MIOS: variants seen among roughly 807,000 people sequenced by gnomAD.
MIOS encodes GATOR2 complex protein MIOS.
MIOS carries 52 observed loss-of-function variants against 96.9 expected under a neutral mutation model. The observed-to-expected ratio is 0.54, with a 90% CI of 0.43 to 0.68. The LOEUF (loss-of-function observed/expected upper bound fraction) is 0.68, where lower values mean the gene tolerates loss of function less well. Ranked by LOEUF, MIOS falls within the 30% of genes least tolerant of loss-of-function variation. MIOS has a pLI of 0.00. For missense variants in MIOS, 1,005 were observed against 1,052.8 expected (o/e 0.95, Z 0.63); for synonymous variants, 397 against 359.5 (o/e 1.10, Z -1.18).
rs760549071 is a variant in MIOS at position 7,589,541 on chromosome 7, C to G, written c.2021C>G (p.Thr674Arg). 9 of 1,612,086 alleles carry G rather than the reference C, an allele frequency of 5.6e-6. No homozygotes were observed. The highest frequency in any genetic ancestry group is 7.6e-6 in the Non-Finnish European group (9 of 1,178,864). The stretch of plus-strand genomic sequence containing the variant: ...GTTGATAGAACTGGAGATGTTCAAA[C>G]AGCAAGTTACTGTATGTTACAGGTC... ...SYVDRTGDVQ[T>R]ASYCMLQGSP... Residue 674 changes from threonine (T) to arginine (R), a missense_variant, in exon 9 of 13, where the codon ACA (threonine) becomes AGA (arginine). By Grantham distance (71) the Thr-to-Arg change is moderately conservative. Around this residue, in one of 3 missense-constraint regions of MIOS, gnomAD observed 865 missense variants for 887.9 expected, o/e 0.97. Coordinates refer to ENST00000340080, the MANE Select transcript of MIOS (RefSeq NM_019005.4).
intron 7 of MIOS, among the ~76,000 whole-genome samples, chr7:7,586,307 G>A (rs1438785809): frequency 6.6e-6 from 1 of 151,992 alleles, no homozygotes; most frequent in Non-Finnish European, 1.5e-5. Context: ...TACTTACAGT[G>A]GACTATTTCA....
At chr7:7,578,962 C>G (rs547418661) in intron 5 of MIOS, among the ~76,000 whole-genome samples, 3 of 152,134 alleles carry the variant, frequency 2.0e-5, no homozygotes, top group African/African-American at 7.2e-5. Context: ...CTGCCTGCCT[C>G]GGGCTCCCAA....
intron 7 of MIOS, among the ~76,000 whole-genome samples, chr7:7,588,197 G>A (rs1213985154): frequency 6.6e-6 from 1 of 152,104 alleles, no homozygotes; most frequent in Non-Finnish European, 1.5e-5. Flanking sequence ...TTGATATACT[G>A]TGCATCATTG....
At chr7:7,595,668 T>G (rs1025016618) in intron 10 of MIOS, among the ~76,000 whole-genome samples, 2 of 152,182 alleles carry the variant, frequency 1.3e-5, no homozygotes, top group Non-Finnish European at 2.9e-5. Flanking sequence ...TTTTCTTATT[T>G]TAGGAACTTG....
intron 11 of MIOS, among the ~76,000 whole-genome samples, 154 bp downstream of exon 11, chr7:7,596,615 G>A (rs897634145): frequency 5.9e-5 from 9 of 152,116 alleles, no homozygotes; most frequent in African/African-American, 1.9e-4. Flanking sequence ...TATAATTTAT[G>A]AACTATGAAA....
intron 6 of MIOS, among the ~76,000 whole-genome samples, chr7:7,584,160 T>A (rs1292129126): frequency 6.6e-6 from 1 of 152,172 alleles, no homozygotes; most frequent in African/African-American, 2.4e-5. Context: ...GAGAAAAACA[T>A]GAAATTCACT....
At chr7:7,586,045 G>A (rs896529358) in intron 7 of MIOS, among the ~76,000 whole-genome samples, 2 of 151,880 alleles carry the variant, frequency 1.3e-5, no homozygotes, top group Admixed American at 6.6e-5. Flanking sequence ...ATAATTTACA[G>A]ATATAGAAGG....
chr7:7,595,023 G>A lies in MIOS; in HGVS notation c.2087G>A (p.Trp696Ter). 5 of 1,613,612 alleles carry A rather than the reference G, an allele frequency of 3.1e-6. No individual in the cohort carries two copies. The highest frequency in any genetic ancestry group is 4.2e-6 in the Non-Finnish European group (5 of 1,179,646). The change falls in exon 10 of 13, where the codon TGG becomes TAG. Residue 696 changes from tryptophan to a stop codon, truncating the protein, a stop_gained. Coordinates refer to ENST00000340080, the MANE Select transcript of MIOS (RefSeq NM_019005.4). LOFTEE classifies it high-confidence loss of function. The stretch of plus-strand genomic sequence containing the variant: ...CTTAAAGATGAAAGGGTTCAGTACT[G>A]GATTGAGAATTATAGAAATTTATTA... Reference protein sequence around the residue: ...DVLKDERVQYWIENYRNLLDA... With the variant: ...DVLKDERVQY
In MIOS at chr7:7,573,133, A is replaced by T. The variant is rs1256761589; in HGVS notation, c.658A>T (p.Met220Leu). Residue 220 changes from methionine to leucine, a missense_variant, in exon 4 of 13, where the codon ATG becomes TTG. Met to Leu is a conservative substitution (Grantham distance 15, BLOSUM62 2). Coordinates refer to ENST00000340080, the MANE Select transcript of MIOS (RefSeq NM_019005.4). The surrounding 1 kb of genome is among the most constrained non-coding windows in gnomAD (Gnocchi z 5.0). ...IFDLRNTSQK[M>L]FVNTKAVQGV... ...TGATCTTCGGAATACAAGCCAAAAGATGTTCGTAAATACAAAAGCTGTTCA... is the reference window on the plus strand; with the variant it reads ...TGATCTTCGGAATACAAGCCAAAAGTTGTTCGTAAATACAAAAGCTGTTCA... 6.2e-7 allele frequency: 1 copy of T among 1,614,098 alleles called. No homozygotes were observed. Among genetic ancestry groups the T allele is most frequent in the Admixed American group, 1.7e-5 (1 of 60,016 alleles).
chr7:7,591,048 G>A (rs771617533), intron 9 of MIOS, among the ~76,000 whole-genome samples: 1 of 151,966 alleles, frequency 6.6e-6, no homozygotes, highest in African/African-American at 2.4e-5. Flanking sequence ...GAAAACATGG[G>A]CTTTTATATT....
chr7:7,595,425 T>A (rs1052061223), intron 10 of MIOS, among the ~76,000 whole-genome samples: 1 of 152,206 alleles, frequency 6.6e-6, no homozygotes, highest in African/African-American at 2.4e-5. Flanking sequence ...TAAATTCCAC[T>A]TGTGTATTAA....
Position 7,572,434 on chromosome 7 carries a change from A to G in MIOS, c.-40-2A>G. The G allele has an allele frequency of 4.2e-6, 6 of 1,423,116 alleles. No individual in the cohort carries two copies. Among genetic ancestry groups the G allele is most frequent in the Non-Finnish European group, 5.7e-6 (6 of 1,047,848 alleles). 88.2% of individuals were successfully genotyped at this position (1,423,116 alleles called of 1,614,324 possible). On this transcript the variant is annotated splice_acceptor_variant, in intron 3 of 12. Coordinates refer to ENST00000340080, the MANE Select transcript of MIOS (RefSeq NM_019005.4). LOFTEE classifies it low-confidence loss of function (5UTR_SPLICE). The surrounding 1 kb of genome is among the most constrained non-coding windows in gnomAD (Gnocchi z 4.8). ...AAACTTTTTATTTTTAAACATTTTC[A>G]GTGAATGGACCTGAGTGGACCCTTT...
chr7:7,574,324 AT>A, intron 5 of MIOS, 128 bp downstream of exon 5: 1 of 627,598 alleles, frequency 1.6e-6, no homozygotes, highest in South Asian at 2.2e-5. Context: ...TTGTTTTCTG[AT>A]TGGATATTTC....
intron 5 of MIOS, among the ~76,000 whole-genome samples, chr7:7,579,666 A>T (rs553811558): frequency 6.6e-6 from 1 of 152,326 alleles, no homozygotes; most frequent in East Asian, 1.9e-4. Context: ...AAAAGTTCTT[A>T]AAAAATCCCC....
chr7:7,593,770 C>G (rs1355800506), intron 9 of MIOS, among the ~76,000 whole-genome samples: 1 of 150,904 alleles, frequency 6.6e-6, no homozygotes, highest in Non-Finnish European at 1.5e-5. Flanking sequence ...CCCCTGTAAT[C>G]CCAGCTACTC....
In MIOS at chr7:7,595,188, T is replaced by C; in HGVS notation, c.2196+56T>C. ...TGTAACATGTTGATGTTCAATTTAA[T>C]AAGTTACTATTAGCTCATTATTTTG... On this transcript the variant is annotated intron_variant, in intron 10 of 12. Transcript: ENST00000340080. 1.9e-6 allele frequency: 3 copies of C among 1,550,662 alleles called. 1 individual carries two copies. Among genetic ancestry groups the C allele is most frequent in the South Asian group, 2.4e-5 (2 of 82,878 alleles).
intron 11 of MIOS, among the ~76,000 whole-genome samples, chr7:7,602,038 ACT>A (rs1436304937): frequency 6.6e-6 from 1 of 152,048 alleles, no homozygotes; most frequent in African/African-American, 2.4e-5. Flanking sequence ...CATGCTAAAA[ACT>A]CTCAATAAAT....
In MIOS at chr7:7,607,154, C is replaced by A; in HGVS notation, c.*62C>A. 7.9e-7 allele frequency: 1 copy of A among 1,269,432 alleles called. No homozygotes were observed. The highest frequency in any genetic ancestry group is 1.1e-6 in the Non-Finnish European group (1 of 893,040). The allele number at this position is 1,269,432 out of a possible 1,614,324, so 78.6% of individuals were successfully genotyped here. ...GCTTTCTAGTAGGTGTCCTTCATAG[C>A]TCAGAAACATACCTCAGAACAAGCC... On this transcript the variant is annotated 3_prime_UTR_variant, in exon 13 of 13. Transcript: ENST00000340080.
In MIOS at chr7:7,572,974, G is replaced by A. The variant is rs1404820299; in HGVS notation, c.499G>A (p.Glu167Lys). The A allele has an allele frequency of 1.2e-6, 2 of 1,614,104 alleles. No homozygotes were observed. Among genetic ancestry groups the A allele is most frequent in the Non-Finnish European group, 1.7e-6 (2 of 1,179,990 alleles). Reference sequence around the variant, plus strand: ...GGAAAAAGTGAAACTTTCAGCAGGTGAAACTGAAACAACATTATTAGTAAC... The same window carrying A: ...GGAAAAAGTGAAACTTTCAGCAGGTAAAACTGAAACAACATTATTAGTAAC... Reference protein sequence around the residue: ...PMEKVKLSAGETETTLLVTKP... With the variant: ...PMEKVKLSAGKTETTLLVTKP... The change falls in exon 4 of 13, where the codon GAA (glutamate) becomes AAA (lysine). Residue 167 changes from glutamate (E) to lysine (K), a missense_variant. This residue lies in a region of MIOS where 865 missense variants were observed against 887.9 expected (regional missense o/e 0.97). Transcript: ENST00000340080. This position sits in a 1 kb window ranked among gnomAD's most constrained non-coding sequence, Gnocchi z 4.8.
Sources: allele counts gnomAD v4.1 joint callset (sites outside exome capture counted in the v4.1 genomes callset), GRCh38; gene constraint gnomAD v4.1.1; regional missense constraint gnomAD v4.1.1; non-coding constraint Gnocchi (gnomAD v3.1); transcripts MANE v1.5; gene names NCBI Gene and HGNC (gene_info 2026-07-23, HGNC 2026-07-21).